The following ATAD2B variants were observed in gnomAD, a reference collection of about 807,000 sequenced individuals.
ATAD2B encodes the protein ATPase family AAA domain-containing protein 2B.
A neutral mutation model predicts 167.6 loss-of-function variants in ATAD2B; 40 were observed. The observed-to-expected ratio is 0.24, with a 90% CI of 0.19 to 0.31. The LOEUF is 0.31. Among genes scored for constraint, ATAD2B ranks in the 10% least tolerant of loss-of-function variants. The probability of loss-of-function intolerance (pLI) is 1.00; values close to 1 mark genes in which losing one functional copy is unlikely to be tolerated. For synonymous variants in ATAD2B, 579 were observed against 596.5 expected, an observed-to-expected ratio of 0.97 and a Z score of 0.43; for missense variants, 1,242 against 1,757.2, an observed-to-expected ratio of 0.71 and a Z score of 5.24.
At chr2:23,797,572 C>T (rs2149457888) in intron 19 of ATAD2B, among the ~76,000 whole-genome samples, 1 of 152,136 alleles carries the variant, frequency 6.6e-6, no homozygotes, top group African/African-American at 2.4e-5. Context: ...TATCCCTTTT[C>T]CAAAATGCCT....
At chr2:23,905,012 T>G (rs1701306639) in intron 1 of ATAD2B, among the ~76,000 whole-genome samples, 1 of 152,106 alleles carries the variant, frequency 6.6e-6, no homozygotes, top group South Asian at 2.1e-4. Flanking sequence ...GCTTACTAGT[T>G]TAGTATTTCT....
intron 13 of ATAD2B, among the ~76,000 whole-genome samples, chr2:23,853,788 T>C (rs1692932706): frequency 1.3e-5 from 2 of 152,192 alleles, no homozygotes; most frequent in South Asian, 4.1e-4. Context: ...AAAATGAACA[T>C]TAATCAAGAC....
the ATAD2B span, among the ~76,000 whole-genome samples, chr2:23,687,617 C>G: frequency 6.6e-6 from 1 of 152,194 alleles, no homozygotes; most frequent in Admixed American, 6.5e-5. Context: ...GACGATGCTT[C>G]AGAGACTTGT....
chr2:23,838,595 C>T (rs1274451434), intron 13 of ATAD2B, among the ~76,000 whole-genome samples: 1 of 152,202 alleles, frequency 6.6e-6, no homozygotes, highest in Non-Finnish European at 1.5e-5. Context: ...ACATTACCTT[C>T]TAAAAGTGTT....
chr2:23,703,888 AG>A, the ATAD2B span: 1 of 1,531,044 alleles, frequency 6.5e-7, no homozygotes, highest in South Asian at 1.2e-5. Context: ...CGCCTTGACT[AG>A]GGCTGGGACG....
downstream of ATAD2B, among the ~76,000 whole-genome samples, chr2:23,747,309 A>G (rs540463253): frequency 2.0e-5 from 3 of 151,306 alleles, no homozygotes. Flanking sequence ...ATATATATAC[A>G]TATGTGTAAT....
chr2:23,854,871 T>C (rs564907147), intron 13 of ATAD2B, among the ~76,000 whole-genome samples: 1 of 151,950 alleles, frequency 6.6e-6, no homozygotes, highest in South Asian at 2.1e-4. Context: ...CAAACAAAGA[T>C]ACAAGCCAGA....
intron 6 of ATAD2B, among the ~76,000 whole-genome samples, chr2:23,882,366 T>G (rs1306988094): frequency 6.6e-6 from 1 of 151,878 alleles, no homozygotes. Flanking sequence ...CGGCTAATTT[T>G]TGTATTGTTG....
intron 17 of ATAD2B, among the ~76,000 whole-genome samples, chr2:23,817,751 T>C (rs1016863136): frequency 5.9e-5 from 9 of 152,174 alleles, no homozygotes; most frequent in Non-Finnish European, 1.3e-4. Context: ...TATTCTAGCA[T>C]ATAGCTGTCT....
rs1469534232 is a variant in ATAD2B, at chr2:23,751,704, G to C, written c.*342C>G. 2 of 268,860 alleles carry C rather than the reference G, an allele frequency of 7.4e-6. No individual in the cohort carries two copies. Among genetic ancestry groups the C allele is most frequent in the African/African-American group, 4.5e-5 (2 of 44,194 alleles). 16.7% of individuals were successfully genotyped at this position (268,860 alleles called of 1,614,324 possible). A position where few individuals can be genotyped will look rare whatever the true frequency, so the allele number is the denominator to read the frequency against. ...GCCCCCATCCAGTTTCCTCCTGTTT[G>C]CTGGTCTGCTCCCTAAGAGAGGAGT... On this transcript the variant is annotated 3_prime_UTR_variant, in exon 28 of 28. Transcript: ENST00000238789.
At chr2:23,902,267 G>A (rs938388751) in intron 1 of ATAD2B, among the ~76,000 whole-genome samples, 2 of 151,964 alleles carry the variant, frequency 1.3e-5, no homozygotes, top group Non-Finnish European at 2.9e-5. Context: ...TTTTTGTCAC[G>A]GGAGGGTTTC....
chr2:23,854,213 C>T (rs972091603), intron 13 of ATAD2B, among the ~76,000 whole-genome samples: 1 of 152,042 alleles, frequency 6.6e-6, no homozygotes, highest in Non-Finnish European at 1.5e-5. Context: ...CGACTGCACT[C>T]CAGCCTGGGC....
At chr2:23,734,917 G>A in the ATAD2B span, among the ~76,000 whole-genome samples, 4 of 152,096 alleles carry the variant, frequency 2.6e-5, no homozygotes, top group Admixed American at 6.5e-5. Flanking sequence ...TTATTTCCAA[G>A]GGCAGACACT....
chr2:23,907,013 A>G (rs1701604993), intron 1 of ATAD2B, among the ~76,000 whole-genome samples: 1 of 150,016 alleles, frequency 6.7e-6, no homozygotes, highest in Non-Finnish European at 1.5e-5. Context: ...CCAATATCAT[A>G]CCGAATGGGC....
rs1057490016 is a variant in ATAD2B, at chr2:23,888,049, A to C, written c.419-64T>G. 6.8e-6 allele frequency: 9 copies of C among 1,332,512 alleles called. No individual in the cohort carries two copies. In the African/African-American group the frequency reaches 1.4e-4, roughly 20 times the overall value. 82.5% of individuals were successfully genotyped at this position (1,332,512 alleles called of 1,614,324 possible). ...TACAGAAAGACAGAAAAGAAAAAAA[A>C]AATCAAAAAATTACTTTTAAAAGAC... On this transcript the variant is annotated intron_variant, in intron 3 of 27. Transcript: ENST00000238789.
chr2:23,876,015 G>A (rs1696766614), intron 7 of ATAD2B, 111 bp from the exon 8 acceptor site: 5 of 822,998 alleles, frequency 6.1e-6, no homozygotes, highest in Non-Finnish European at 9.6e-6. Context: ...TGTTTTTTGA[G>A]ACAGAGTCTT....
chr2:23,784,403 G>C (rs1680504020), intron 21 of ATAD2B, among the ~76,000 whole-genome samples: 1 of 152,024 alleles, frequency 6.6e-6, no homozygotes, highest in Non-Finnish European at 1.5e-5. Flanking sequence ...TATGTTCTCA[G>C]CTTAAGAGCA....
chr2:23,868,758 A>G (rs1342712790), intron 9 of ATAD2B, among the ~76,000 whole-genome samples: 1 of 152,188 alleles, frequency 6.6e-6, no homozygotes, highest in Non-Finnish European at 1.5e-5. Context: ...TTAACACATT[A>G]TTTAATATAC....
At chr2:23,855,258 A>G (rs1693213084) in intron 13 of ATAD2B, among the ~76,000 whole-genome samples, 2 of 152,198 alleles carry the variant, frequency 1.3e-5, no homozygotes, top group Non-Finnish European at 2.9e-5. Flanking sequence ...CTAGTTTTAA[A>G]AAATGGCGCA....
Sources: allele counts gnomAD v4.1 joint callset (sites outside exome capture counted in the v4.1 genomes callset), GRCh38; gene constraint gnomAD v4.1.1; transcripts MANE v1.5; gene names NCBI Gene and HGNC (gene_info 2026-07-23, HGNC 2026-07-21).